NIPBL: variants seen among roughly 807,000 people sequenced by gnomAD.
NIPBL encodes the protein NIPBL cohesin loading factor.
In NIPBL, 19 loss-of-function variants were observed where a neutral mutation model predicts 321.8. That is an observed-to-expected ratio of 0.06 (90% CI 0.04 to 0.09). The LOEUF (loss-of-function observed/expected upper bound fraction) is 0.09. Ranked by LOEUF, NIPBL falls within the 10% of genes least tolerant of loss-of-function variation. The pLI is 1.00. For synonymous variants in NIPBL, 1,106 were observed against 1,114.1 expected (o/e 0.99, Z 0.14); for missense variants, 2,210 against 3,327.0 (o/e 0.66, Z 8.26).
In NIPBL at chr5:36,909,334, T is replaced by C. The variant is rs150988516; in HGVS notation, c.-80+32156T>C. ...GTAAAAGCTTCACATTGGACATGAA[T>C]AAAAAGGATTAGAGTTCAGTGTATT... On this transcript the variant is annotated intron_variant, in intron 1 of 46. Coordinates refer to ENST00000282516, the MANE Select transcript of NIPBL (RefSeq NM_133433.4). 7.7e-3 allele frequency among the ~76,000 whole-genome samples: 1,173 copies of C among 152,280 alleles called. 8 individuals are homozygous for C. The highest frequency in any genetic ancestry group is 0.017 in the Middle Eastern group (5 of 294).
At chr5:37,021,672 C>T (rs561454122) in intron 27 of NIPBL, among the ~76,000 whole-genome samples, 1 of 152,316 alleles carries the variant, frequency 6.6e-6, no homozygotes, top group East Asian at 1.9e-4. Flanking sequence ...CAGAGCGAGA[C>T]TCCATCCCAA....
intron 35 of NIPBL, 29 bp from the exon 36 acceptor site, chr5:37,044,607 T>G (rs747009675): frequency 1.3e-6 from 2 of 1,598,130 alleles, no homozygotes; most frequent in East Asian, 2.2e-5. Context: ...ATTTTTAACT[T>G]TTATCTAAAC....
At chr5:36,926,668 G>T (rs1217248418) in intron 1 of NIPBL, among the ~76,000 whole-genome samples, 5 of 152,120 alleles carry the variant, frequency 3.3e-5, no homozygotes, top group Non-Finnish European at 5.9e-5. Flanking sequence ...CAAAGGAGAG[G>T]AATTAGCCAT....
chr5:36,946,164 C>T (rs867149936), intron 1 of NIPBL, among the ~76,000 whole-genome samples: 2 of 151,974 alleles, frequency 1.3e-5, no homozygotes, highest in African/African-American at 4.8e-5. Context: ...AAATCTTGCT[C>T]CTCTTTTACT....
At chr5:36,984,101 A>C (rs896918642) in intron 9 of NIPBL, among the ~76,000 whole-genome samples, 4 of 152,114 alleles carry the variant, frequency 2.6e-5, no homozygotes, top group African/African-American at 7.2e-5. Flanking sequence ...TATTGATTAA[A>C]GTTAAATGAC....
intron 14 of NIPBL, among the ~76,000 whole-genome samples, chr5:37,001,971 C>G (rs1346725368): frequency 6.6e-6 from 1 of 152,098 alleles, no homozygotes; most frequent in African/African-American, 2.4e-5. Flanking sequence ...CTTTACAGTT[C>G]TGTGCTGAGA....
chr5:36,985,086 A>G lies in NIPBL; in HGVS notation c.1906A>G (p.Ser636Gly). The G allele has an allele frequency of 1.2e-6, 2 of 1,613,930 alleles. No homozygotes were observed. The highest frequency in any genetic ancestry group is 1.7e-5 in the Admixed American group (1 of 59,898). The part of the protein sequence containing the change: ...NENRLVETKS[S>G]ENKLETKVET... Reference sequence around the variant, plus strand: ...AAACCGATTGGTGGAGACAAAATCAAGTGAAAATAAGTTAGAAACTAAAGT... The same window carrying G: ...AAACCGATTGGTGGAGACAAAATCAGGTGAAAATAAGTTAGAAACTAAAGT... The change falls in exon 10 of 47, where the codon AGT becomes GGT. Residue 636 changes from serine (S) to glycine (G), a missense_variant. Around this residue, in one of 14 missense-constraint regions of NIPBL, gnomAD observed 588 missense variants for 564.1 expected, o/e 1.04. Transcript: ENST00000282516.
chr5:36,913,676 T>A (rs1263073690), intron 1 of NIPBL, among the ~76,000 whole-genome samples: 2 of 152,188 alleles, frequency 1.3e-5, no homozygotes, highest in African/African-American at 4.8e-5. Flanking sequence ...CCCAGCTTAG[T>A]TTTCTTAATA....
chr5:36,900,785 T>C (rs1658261417), intron 1 of NIPBL, among the ~76,000 whole-genome samples: 1 of 152,182 alleles, frequency 6.6e-6, no homozygotes, highest in Non-Finnish European at 1.5e-5. Context: ...TCATTTACAT[T>C]GCATGATTTT....
At chr5:36,994,110 A>G (rs542032648) in intron 10 of NIPBL, among the ~76,000 whole-genome samples, 6 of 152,334 alleles carry the variant, frequency 3.9e-5, no homozygotes, top group Admixed American at 2.0e-4. Flanking sequence ...TACTTCTACC[A>G]GTATTCTAAA....
At position 37,027,395 on chromosome 5, in the gene NIPBL, G is replaced by C; in HGVS notation, c.5845G>C (p.Glu1949Gln). 3 of 1,612,850 alleles carry C rather than the reference G, an allele frequency of 1.9e-6. No homozygotes were observed. Among genetic ancestry groups the C allele is most frequent in the Non-Finnish European group, 2.5e-6 (3 of 1,179,302 alleles). ...CAGAGATACTGGATATGACTGGTTT[G>C]AGCAACTGCTTCAAAACGTGAGTGT... ...ACRDTGYDWF[E>Q]QLLQNLLKSE... The change falls in exon 32 of 47, where the codon GAG becomes CAG. Residue 1949 changes from glutamate (E) to glutamine (Q), a missense_variant. By Grantham distance (29) the Glu-to-Gln change is conservative. Around this residue, in one of 14 missense-constraint regions of NIPBL, gnomAD observed 69 missense variants for 100.8 expected, o/e 0.68. Coordinates refer to ENST00000282516, the MANE Select transcript of NIPBL (RefSeq NM_133433.4).
rs1286012939 is a variant in NIPBL, at chr5:36,927,656, G to C, written c.-79-25962G>C. Among the ~76,000 whole-genome samples the C allele has an allele frequency of 2.6e-5, 4 of 152,180 alleles. No individual in the cohort carries two copies. In the East Asian group the frequency reaches 7.7e-4, roughly 29 times the overall value. The stretch of plus-strand genomic sequence containing the variant: ...ATGAGTTGTCTTTAATCAAAATTAG[G>C]AGTATTGTAGAAGAAGCACGAAGAA... On this transcript the variant is annotated intron_variant, in intron 1 of 46. Coordinates refer to ENST00000282516, the MANE Select transcript of NIPBL (RefSeq NM_133433.4).
Position 36,985,755 on chromosome 5 carries a change from G to A in NIPBL, c.2575G>A (p.Asp859Asn), listed in dbSNP as rs921834209. Residue 859 changes from aspartate to asparagine, a missense_variant, in exon 10 of 47, where the codon GAT becomes AAT. Asp to Asn is a conservative substitution (Grantham distance 23). This residue lies in a region of NIPBL where 588 missense variants were observed against 564.1 expected (regional missense o/e 1.04). Coordinates refer to ENST00000282516, the MANE Select transcript of NIPBL (RefSeq NM_133433.4). Reference protein sequence around the residue: ...SSRNEHGIKSDSSKTDKLERK... With the variant: ...SSRNEHGIKSNSSKTDKLERK... ...TAGAAATGAACATGGCATTAAATCT[G>A]ATAGTTCAAAAACTGATAAACTAGA... 6.2e-7 allele frequency: 1 copy of A among 1,613,786 alleles called. No individual in the cohort carries two copies.
chr5:36,933,983 T>TA (rs1264533696), intron 1 of NIPBL, among the ~76,000 whole-genome samples: 1 of 152,044 alleles, frequency 6.6e-6, no homozygotes, highest in Non-Finnish European at 1.5e-5. Flanking sequence ...CTCTTTCTAA[T>TA]AAAAAACAAA....
intron 10 of NIPBL, among the ~76,000 whole-genome samples, chr5:36,992,670 A>G (rs1357741798): frequency 1.3e-5 from 2 of 151,944 alleles, no homozygotes; most frequent in East Asian, 1.9e-4. Flanking sequence ...CCTTGATGTC[A>G]TATTGAAGAT....
intron 1 of NIPBL, among the ~76,000 whole-genome samples, chr5:36,928,105 T>C (rs944145700): frequency 6.6e-6 from 1 of 152,204 alleles, no homozygotes; most frequent in Non-Finnish European, 1.5e-5. Context: ...ATGTGTGGTC[T>C]TGAACACGTA....
rs769439754 is a variant in NIPBL at position 37,049,304 on chromosome 5, A to G, written c.6954+3A>G. ...AAGGTCTTATTCATCCAGTTCAGGT[A>G]AGCATGTTTTATGGCAGCAGCACTT... is the stretch of plus-strand genomic sequence containing the variant. On this transcript the variant is annotated splice_donor_region_variant and intron_variant, in intron 40 of 46. Coordinates refer to ENST00000282516, the MANE Select transcript of NIPBL (RefSeq NM_133433.4). 3.1e-5 allele frequency: 50 copies of G among 1,613,870 alleles called. No homozygotes were observed. The highest frequency in any genetic ancestry group is 2.5e-4 in the Admixed American group (15 of 59,992).
At chr5:37,013,773 A>G (rs1480239816) in intron 21 of NIPBL, among the ~76,000 whole-genome samples, 2 of 148,330 alleles carry the variant, frequency 1.3e-5, no homozygotes, top group East Asian at 2.0e-4. Flanking sequence ...ATGGGCGGCC[A>G]GGCGGAGATG....
In NIPBL at chr5:37,003,844, G is replaced by T. The variant is rs529790216; in HGVS notation, c.3855+497G>T. Reference sequence around the variant, plus strand: ...AATTCACAGCTTTGCCATAAAGTAAGAATAATAAAGACATGAAAATGTTTG... The same window carrying T: ...AATTCACAGCTTTGCCATAAAGTAATAATAATAAAGACATGAAAATGTTTG... On this transcript the variant is annotated intron_variant, in intron 16 of 46. Transcript: ENST00000282516. Among the ~76,000 whole-genome samples, 12 of 152,236 alleles carry T rather than the reference G, an allele frequency of 7.9e-5. No homozygotes were observed. In the South Asian group the frequency reaches 2.5e-3, roughly 32 times the overall value.
Sources: allele counts gnomAD v4.1 joint callset (sites outside exome capture counted in the v4.1 genomes callset), GRCh38; gene constraint gnomAD v4.1.1; regional missense constraint gnomAD v4.1.1; transcripts MANE v1.5; gene names NCBI Gene and HGNC (gene_info 2026-07-23, HGNC 2026-07-21).